Variants in PHYKPL observed in about 807,000 individuals in gnomAD.
PHYKPL encodes 5-phosphohydroxy-L-lysine phospho-lyase.
Under a neutral mutation model 51.3 loss-of-function variants are expected in PHYKPL, and 42 were observed. The observed-to-expected ratio is 0.82, with a 90% confidence interval of 0.64 to 1.06. The LOEUF is 1.06. PHYKPL is among the 50% of genes least tolerant of loss of function. The pLI is 0.00. For synonymous variants in PHYKPL, 264 were observed against 236.0 expected (o/e 1.12, Z -1.09); for missense variants, 655 against 586.6 (o/e 1.12, Z -1.20).
chr5:178,210,262 C>A, intron 12 of PHYKPL: 1 of 1,614,072 alleles, frequency 6.2e-7, no homozygotes, highest in Non-Finnish European at 8.5e-7. Flanking sequence ...ACGGCCCCGG[C>A]TACGACTACA....
intron 12 of PHYKPL, chr5:178,210,449 T>C (rs1017673537): frequency 2.2e-5 from 33 of 1,490,396 alleles, no homozygotes; most frequent in Non-Finnish European, 3.0e-5. Flanking sequence ...GAAGGCAGTC[T>C]CTGCTGTCAC....
At chr5:178,210,504 A>G (rs953607026) in intron 12 of PHYKPL, 8 of 1,577,324 alleles carry the variant, frequency 5.1e-6, no homozygotes, top group African/African-American at 1.3e-5. Flanking sequence ...CGCGTGGCAC[A>G]GGGCAAATGC....
At chr5:178,231,266 T>C in intron 2 of PHYKPL, 139 bp downstream of exon 2, 1 of 1,409,620 alleles carries the variant, frequency 7.1e-7, no homozygotes, top group Non-Finnish European at 9.8e-7. Flanking sequence ...TTGCGAAGGC[T>C]GAGCCTCCTC....
intron 12 of PHYKPL, chr5:178,210,750 T>A (rs1182414439): frequency 1.4e-6 from 1 of 740,110 alleles, no homozygotes; most frequent in Non-Finnish European, 2.4e-6. Context: ...TTATTTAAAA[T>A]TTCCCCCATG....
intron 1 of PHYKPL, 76 bp from the exon 2 acceptor site, chr5:178,231,599 C>G (rs756733998): frequency 6.2e-7 from 1 of 1,605,990 alleles, no homozygotes; most frequent in Non-Finnish European, 8.5e-7. Context: ...CAGACCCCCG[C>G]CCACCCCTTC....
Position 178,214,818 on chromosome 5 carries a change from CTTCAG to C in PHYKPL, c.1145_1149del (p.Thr382ArgfsTer19). 6.2e-7 allele frequency: 1 copy of C among 1,614,002 alleles called. No homozygotes were observed. ...TACCTTGATACCAAGTAGGCAGCCTCTTCAGTTGCTGGTGTCCTTGTGGCCTCATC... is the reference window on the plus strand; with the variant it reads ...TACCTTGATACCAAGTAGGCAGCCTCTTGCTGGTGTCCTTGTGGCCTCATC... On this transcript the variant is annotated frameshift_variant, in exon 10 of 13. Coordinates refer to ENST00000308158, the MANE Select transcript of PHYKPL (RefSeq NM_153373.4). LOFTEE classifies it high-confidence loss of function.
chr5:178,231,798 G>C (rs1393778475), intron 1 of PHYKPL: 2 of 1,412,972 alleles, frequency 1.4e-6, no homozygotes, highest in East Asian at 7.3e-5. Flanking sequence ...GCATGTGTCC[G>C]CGTCAGTCTC....
downstream of PHYKPL, among the ~76,000 whole-genome samples, chr5:178,207,691 C>CTTTTTTTTTTTTTTT (rs34424574): frequency 1.3e-5 from 1 of 78,756 alleles, no homozygotes; most frequent in Non-Finnish European, 2.3e-5. Flanking sequence ...ACTTTGAGCA[C>CTTTTTTTTTTTTTTT]TTTTTTTTTT....
At chr5:178,222,268 C>A (rs1761314492) in intron 8 of PHYKPL, 87 bp downstream of exon 8, 3 of 1,213,322 alleles carry the variant, frequency 2.5e-6, no homozygotes, top group Non-Finnish European at 3.5e-6. Context: ...AGTGCTAGCC[C>A]TGTAGCCTTT....
chr5:178,212,018 G>A (rs1758606591), intron 11 of PHYKPL, 48 bp from the exon 12 acceptor site: 1 of 1,604,020 alleles, frequency 6.2e-7, no homozygotes, highest in South Asian at 1.1e-5. Flanking sequence ...TTTCTCTGCT[G>A]AAGATGCCCT....
Position 178,212,073 on chromosome 5 carries a change from C to T in PHYKPL, c.1304-103G>A, listed in dbSNP as rs1758624686. The stretch of plus-strand genomic sequence containing the variant: ...CTGGAGGACAGTTTAGAGATTGGGC[C>T]CTCTGGCTATCCACACCCATGTCCC... On this transcript the variant is annotated intron_variant, in intron 11 of 12. Coordinates refer to ENST00000308158, the MANE Select transcript of PHYKPL (RefSeq NM_153373.4). 11 of 1,268,146 alleles carry T rather than the reference C, an allele frequency of 8.7e-6. No homozygotes were observed. In the South Asian group the frequency reaches 1.4e-4, roughly 16 times the overall value. 78.6% of individuals were successfully genotyped at this position (1,268,146 alleles called of 1,614,324 possible).
chr5:178,212,899 C>G, intron 11 of PHYKPL, 74 bp downstream of exon 11: 1 of 1,577,436 alleles, frequency 6.3e-7, no homozygotes, highest in Non-Finnish European at 8.6e-7. Flanking sequence ...CTCCCTGTTC[C>G]ATGCTAGGAG....
chr5:178,210,489 T>C (rs373001311), intron 12 of PHYKPL: 66 of 1,539,848 alleles, frequency 4.3e-5, no homozygotes, highest in Non-Finnish European at 5.2e-5. Flanking sequence ...AAGATGCATA[T>C]CAAGCGCGTG....
intron 1 of PHYKPL, chr5:178,232,163 G>T: frequency 8.2e-7 from 1 of 1,215,220 alleles, no homozygotes. Context: ...CAGGCGCCAG[G>T]GTGAAGGTCT....
intron 1 of PHYKPL, 45 bp downstream of exon 1, chr5:178,232,447 C>A: frequency 7.3e-7 from 1 of 1,376,378 alleles, no homozygotes; most frequent in South Asian, 1.6e-5. Context: ...GCGTGCCTCT[C>A]CGCGCAGCCC....
chr5:178,214,192 G>A (rs907009914), intron 10 of PHYKPL, among the ~76,000 whole-genome samples: 3 of 152,202 alleles, frequency 2.0e-5, no homozygotes, highest in Non-Finnish European at 4.4e-5. Flanking sequence ...CGTGGGGGAA[G>A]GGGTAGGCCT....
chr5:178,230,922 CTTT>C (rs55982808), intron 2 of PHYKPL: 1,744 of 145,090 alleles, frequency 0.012, 30 homozygotes, highest in African/African-American at 0.042. Context: ...AGAGTCTCTG[CTTT>C]TTTTTTTTTT....
chr5:178,211,868 G>A, intron 12 of PHYKPL, 22 bp downstream of exon 12: 2 of 1,562,036 alleles, frequency 1.3e-6, no homozygotes, highest in Non-Finnish European at 1.8e-6. Flanking sequence ...ATCTTCAAGA[G>A]TAAGAAGCAA....
intron 2 of PHYKPL, 177 bp from the exon 3 acceptor site, chr5:178,230,276 C>T: frequency 1.5e-6 from 1 of 689,310 alleles, no homozygotes; most frequent in South Asian, 2.0e-5. Flanking sequence ...AAAGGCAGAT[C>T]CAGGAGTTCC....
Sources: gnomAD v4.1 joint callset for allele counts (sites outside exome capture counted in the v4.1 genomes callset) on GRCh38, gnomAD v4.1.1 for gene constraint, MANE v1.5 for transcripts, NCBI Gene and HGNC (gene_info 2026-07-23, HGNC 2026-07-21) for gene names.